The following GARIN5B variants were observed in gnomAD, a reference collection of about 807,000 sequenced individuals.
GARIN5B encodes golgi associated RAB2 interactor family member 5B, also known as Golgi-associated RAB2 interactor protein 5B.
chr19:55,361,094 G>C, the GARIN5B span: 2 of 1,551,230 alleles, frequency 1.3e-6, no homozygotes, highest in East Asian at 4.9e-5. Flanking sequence ...TTGAAACTGC[G>C]CTTGAGCGCC....
the GARIN5B span, chr19:55,362,098 G>C: frequency 8.8e-7 from 1 of 1,139,770 alleles, no homozygotes; most frequent in Non-Finnish European, 1.2e-6. Flanking sequence ...CTCGACTCAG[G>C]GGTCCAGGCC....
chr19:55,359,222 A>G, the GARIN5B span: 1 of 1,551,208 alleles, frequency 6.4e-7, no homozygotes, highest in Non-Finnish European at 8.7e-7. Context: ...GCTCAGCGCC[A>G]TCTGGTATTC....
the GARIN5B span, chr19:55,360,057 C>A: frequency 7.2e-7 from 1 of 1,398,494 alleles, no homozygotes; most frequent in African/African-American, 1.5e-5. Flanking sequence ...GACCCCTGCT[C>A]CCTCCTCCCT....
chr19:55,361,472 C>T, the GARIN5B span: 3 of 1,463,554 alleles, frequency 2.0e-6, no homozygotes, highest in Middle Eastern at 1.8e-4. Context: ...GCCCGGGCTT[C>T]CACATCTCCA....
chr19:55,358,384 C>G, the GARIN5B span: 1 of 1,508,430 alleles, frequency 6.6e-7, no homozygotes, highest in East Asian at 2.5e-5. Flanking sequence ...GGGGCGATGG[C>G]CGTAAGTCCT....
chr19:55,358,371 A>G, the GARIN5B span: 1 of 1,513,776 alleles, frequency 6.6e-7, no homozygotes, highest in Admixed American at 2.2e-5. Context: ...AGGGTCTCCG[A>G]GAGGGGCGAT....
At chr19:55,355,128 G>T in the GARIN5B span, 1 of 416,188 alleles carries the variant, frequency 2.4e-6, no homozygotes, top group Non-Finnish European at 4.5e-6. Context: ...CAGCGGTGGG[G>T]TCCGGGCTCC....
chr19:55,358,292 C>T, the GARIN5B span: 22 of 1,549,914 alleles, frequency 1.4e-5, no homozygotes, highest in African/African-American at 5.5e-5. Flanking sequence ...GGCTGGCATC[C>T]TCATGGGCTC....
chr19:55,363,054 G>A, the GARIN5B span: 8 of 1,498,122 alleles, frequency 5.3e-6, no homozygotes, highest in Admixed American at 5.7e-5. The surrounding 1 kb of genome is among the most constrained non-coding windows in gnomAD (Gnocchi z 4.0). Flanking sequence ...CTCCTGTTTC[G>A]AAGCCAGATC....
chr19:55,358,955 C>A, the GARIN5B span: 2 of 1,551,200 alleles, frequency 1.3e-6, no homozygotes, highest in Non-Finnish European at 1.7e-6. Flanking sequence ...CTTCCCCTGG[C>A]CCCTGAAGGC....
chr19:55,363,092 T>C, the GARIN5B span: 1 of 1,470,800 alleles, frequency 6.8e-7, no homozygotes, highest in Non-Finnish European at 9.0e-7. The surrounding 1 kb of genome is among the most constrained non-coding windows in gnomAD (Gnocchi z 4.0). Context: ...TGGGTACTGG[T>C]TTAGGGACCC....
the GARIN5B span, chr19:55,358,109 A>G: frequency 2.1e-6 from 3 of 1,420,308 alleles, no homozygotes; most frequent in Non-Finnish European, 2.8e-6. Flanking sequence ...TAAACAGCAG[A>G]GCTCACAGTA....
chr19:55,362,933 T>C, the GARIN5B span: 1 of 1,503,860 alleles, frequency 6.6e-7, no homozygotes, highest in Non-Finnish European at 8.9e-7. Context: ...AAAGTTACTC[T>C]CGAACATGGG....
At chr19:55,359,485 C>T in the GARIN5B span, 3 of 1,547,920 alleles carry the variant, frequency 1.9e-6, no homozygotes, top group East Asian at 7.3e-5. Context: ...CGGCTGGGGC[C>T]TTCTGGGATG....
chr19:55,362,797 C>G, the GARIN5B span: 1 of 1,491,520 alleles, frequency 6.7e-7, no homozygotes, highest in Non-Finnish European at 9.0e-7. Context: ...CCTGAGCCTC[C>G]CTCCTGATCG....
the GARIN5B span, chr19:55,360,069 A>C: frequency 1.3e-5 from 16 of 1,274,090 alleles, no homozygotes; most frequent in Non-Finnish European, 1.7e-5. Context: ...CTCCTCCCTC[A>C]GACTCAGGAG....
At chr19:55,360,920 C>T in the GARIN5B span, 2 of 1,542,342 alleles carry the variant, frequency 1.3e-6, no homozygotes, top group Non-Finnish European at 1.8e-6. Context: ...AGGAGCAATA[C>T]CGTGGGACTT....
At chr19:55,362,431 G>C in the GARIN5B span, 1 of 1,550,406 alleles carries the variant, frequency 6.4e-7, no homozygotes, top group Admixed American at 2.0e-5. Context: ...GGCGGCCCGA[G>C]ACCAGGCGCA....
At chr19:55,361,825 C>A in the GARIN5B span, among the ~76,000 whole-genome samples, 1,878 of 9,892 alleles carry the variant, frequency 0.19, 273 homozygotes, top group East Asian at 0.37. Context: ...TCCCCCAGCC[C>A]CTCCTCCCTC....
Sources: allele counts gnomAD v4.1 joint callset (sites outside exome capture counted in the v4.1 genomes callset), GRCh38; gene constraint gnomAD v4.1.1; non-coding constraint Gnocchi (gnomAD v3.1); transcripts MANE v1.5; gene names NCBI Gene and HGNC (gene_info 2026-07-23, HGNC 2026-07-21).